Variants in NRXN3 observed in about 807,000 individuals in gnomAD.
The protein encoded by NRXN3 is neurexin III.
In NRXN3, 32 loss-of-function variants were observed where a neutral mutation model predicts 137.6. That is an observed-to-expected ratio of 0.23 (90% CI 0.18 to 0.31). NRXN3 has a LOEUF of 0.31. Ranked by LOEUF, NRXN3 falls within the 10% of genes least tolerant of loss-of-function variation. The pLI, the probability that NRXN3 is intolerant of heterozygous loss-of-function variation, is 1.00. For synonymous variants in NRXN3, 798 were observed against 784.5 expected, an observed-to-expected ratio of 1.02 and a Z score of -0.29; for missense variants, 1,574 against 2,062.5, an observed-to-expected ratio of 0.76 and a Z score of 4.59.
intron 10 of NRXN3, among the ~76,000 whole-genome samples, chr14:78,946,790 T>C (rs1461991217): frequency 2.6e-5 from 4 of 152,152 alleles, no homozygotes; most frequent in Non-Finnish European, 5.9e-5. Flanking sequence ...CGGTTTTGCA[T>C]GCGTCATACA....
At chr14:79,701,645 G>T (rs1463373200) in intron 19 of NRXN3, among the ~76,000 whole-genome samples, 1 of 152,064 alleles carries the variant, frequency 6.6e-6, no homozygotes, top group East Asian at 1.9e-4. Flanking sequence ...TATAGCCTGG[G>T]CTGGGTAACT....
chr14:78,327,753 G>T (rs2080279526), intron 4 of NRXN3, among the ~76,000 whole-genome samples: 1 of 152,136 alleles, frequency 6.6e-6, no homozygotes, highest in Admixed American at 6.6e-5. Context: ...ATCAAAAGAA[G>T]AAGTATATAC....
At chr14:78,949,406 TC>T (rs1453681994) in intron 10 of NRXN3, among the ~76,000 whole-genome samples, 3 of 152,082 alleles carry the variant, frequency 2.0e-5, no homozygotes, top group Non-Finnish European at 4.4e-5. Context: ...TCTCTTCAGC[TC>T]CCCCTCCATT....
chr14:78,631,421 A>G (rs1245919539), intron 4 of NRXN3, among the ~76,000 whole-genome samples: 1 of 152,222 alleles, frequency 6.6e-6, no homozygotes, highest in Non-Finnish European at 1.5e-5. Flanking sequence ...CTCCTACCAC[A>G]GTTGAGATAT....
chr14:79,167,829 T>C (rs573854506), intron 15 of NRXN3, among the ~76,000 whole-genome samples: 2 of 152,076 alleles, frequency 1.3e-5, no homozygotes, highest in South Asian at 4.1e-4. Context: ...CCTACCTGCT[T>C]CAGCCAGCAT....
chr14:79,086,358 C>CAAATTTG (rs1221908252), intron 15 of NRXN3, among the ~76,000 whole-genome samples: 3 of 152,112 alleles, frequency 2.0e-5, no homozygotes, highest in Non-Finnish European at 4.4e-5. Context: ...CTCTACTAGG[C>CAAATTTG]CATCCCTCGC....
At chr14:78,359,318 C>T (rs760857795) in intron 4 of NRXN3, among the ~76,000 whole-genome samples, 3 of 152,166 alleles carry the variant, frequency 2.0e-5, no homozygotes, top group East Asian at 1.9e-4. Flanking sequence ...GGGCAGTGGA[C>T]GTCTTAAAGG....
intron 10 of NRXN3, among the ~76,000 whole-genome samples, chr14:78,951,142 T>C (rs1290516104): frequency 1.3e-5 from 2 of 152,216 alleles, no homozygotes; most frequent in Non-Finnish European, 2.9e-5. Flanking sequence ...TTTTCATCTC[T>C]TTTCTTTAAT....
At chr14:78,950,389 T>C (rs924675489) in intron 10 of NRXN3, among the ~76,000 whole-genome samples, 13 of 152,164 alleles carry the variant, frequency 8.5e-5, no homozygotes, top group Admixed American at 5.2e-4. Flanking sequence ...TTTGGAGGTA[T>C]ATCTGCTCCA....
chr14:78,721,271 T>C (rs1242438894), intron 8 of NRXN3, among the ~76,000 whole-genome samples: 1 of 152,200 alleles, frequency 6.6e-6, no homozygotes, highest in Non-Finnish European at 1.5e-5. Context: ...CTCAGTGCTA[T>C]TGAGGAGGGG....
intron 15 of NRXN3, among the ~76,000 whole-genome samples, chr14:79,115,774 A>C (rs933880874): frequency 3.3e-5 from 5 of 152,202 alleles, no homozygotes; most frequent in African/African-American, 1.2e-4. Flanking sequence ...CAGTCTTTTC[A>C]TTAGATTTGT....
At chr14:78,943,613 AAAAAAAAAATATATATATAT>A (rs1436122670) in intron 10 of NRXN3, among the ~76,000 whole-genome samples, 3 of 30,998 alleles carry the variant, frequency 9.7e-5, no homozygotes, top group South Asian at 1.4e-3. Flanking sequence ...TCACTGTTAA[AAAAAAAAAATATATATATAT>A]ATATATATAT....
chr14:79,857,457 C>T (rs970070644), intron 20 of NRXN3, among the ~76,000 whole-genome samples: 1 of 152,062 alleles, frequency 6.6e-6, no homozygotes, highest in Admixed American at 6.5e-5. Flanking sequence ...CTCCTGACCT[C>T]ATGATCCGCC....
chr14:79,009,005 G>A (rs1039830703), intron 15 of NRXN3, among the ~76,000 whole-genome samples: 2 of 152,016 alleles, frequency 1.3e-5, no homozygotes, highest in Non-Finnish European at 2.9e-5. Context: ...AAGTAATGAT[G>A]TTTGCCGGGA....
At chr14:79,340,656 G>T (rs763207966) in intron 15 of NRXN3, among the ~76,000 whole-genome samples, 40 of 152,112 alleles carry the variant, frequency 2.6e-4, no homozygotes, top group Non-Finnish European at 5.3e-4. Flanking sequence ...GCAGAGACAG[G>T]TTTCTCCATG....
At chr14:78,448,067 T>G (rs754888926) in intron 4 of NRXN3, among the ~76,000 whole-genome samples, 1 of 152,182 alleles carries the variant, frequency 6.6e-6, no homozygotes, top group Non-Finnish European at 1.5e-5. Flanking sequence ...ATCTCACTCC[T>G]TTAAAGCACA....
intron 15 of NRXN3, among the ~76,000 whole-genome samples, chr14:79,285,230 A>G (rs144504903): frequency 6.6e-6 from 1 of 152,162 alleles, no homozygotes; most frequent in African/African-American, 2.4e-5. Flanking sequence ...TGCGGGATGA[A>G]ATTTTACAGT....
intron 6 of NRXN3, among the ~76,000 whole-genome samples, chr14:78,691,840 G>C (rs138353897): frequency 1.5e-3 from 230 of 152,160 alleles, no homozygotes; most frequent in African/African-American, 5.4e-3. Context: ...GATGCTTGCT[G>C]GTCAGAAGAG....
At chr14:79,258,575 C>T (rs77640357) in intron 15 of NRXN3, among the ~76,000 whole-genome samples, 4,090 of 152,180 alleles carry the variant, frequency 0.027, 202 homozygotes, top group African/African-American at 0.092. Context: ...TATTCTTTTG[C>T]TTAATTTGAA....
Sources: gnomAD v4.1 joint callset for allele counts (sites outside exome capture counted in the v4.1 genomes callset) on GRCh38, gnomAD v4.1.1 for gene constraint, MANE v1.5 for transcripts, NCBI Gene and HGNC (gene_info 2026-07-23, HGNC 2026-07-21) for gene names.